The following MBNL2 variants were observed in gnomAD, a reference collection of about 807,000 sequenced individuals.
MBNL2 encodes the protein muscleblind-like protein 2.
A neutral mutation model predicts 41.9 loss-of-function variants in MBNL2; 17 were observed. The ratio of observed to expected loss-of-function variants is 0.41; its 90% CI spans 0.28 to 0.61. MBNL2 has a LOEUF of 0.61. Among genes scored for constraint, MBNL2 ranks in the 20% least tolerant of loss-of-function variants. The pLI is 0.35. For missense variants in MBNL2, 336 were observed against 505.6 expected (o/e 0.66, Z 3.22); for synonymous variants, 195 against 182.9 (o/e 1.07, Z -0.53).
At chr13:97,255,752 A>C (rs971083451) in intron 1 of MBNL2, among the ~76,000 whole-genome samples, 6 of 152,186 alleles carry the variant, frequency 3.9e-5, no homozygotes, top group Non-Finnish European at 7.3e-5. Flanking sequence ...CTGTGTTTAG[A>C]TATAACACAG....
At chr13:97,328,247 A>T (rs1403337592) in intron 2 of MBNL2, among the ~76,000 whole-genome samples, 1 of 148,048 alleles carries the variant, frequency 6.8e-6, no homozygotes, top group Non-Finnish European at 1.5e-5. Context: ...CTGAAATGTA[A>T]CTCCAGAGCA....
chr13:97,391,447 T>G lies in MBNL2; in HGVS notation c.1174T>G (p.Ter392GluextTer4). The change falls in exon 9 of 9, where the codon TAA becomes GAA. Residue 392 changes from the stop codon to glutamate (E), a stop_lost. Coordinates refer to ENST00000679496, the MANE Select transcript of MBNL2 (RefSeq NM_001382683.1). ...AATAGAATTGCCACAAACTGCATGCTAAATAAAGATGTAGTTCTTCTGGAC... is the reference window on the plus strand; with the variant it reads ...AATAGAATTGCCACAAACTGCATGCGAAATAAAGATGTAGTTCTTCTGGAC... ...SSIELPQTAC[*>E] is the part of the protein sequence containing the mutation. The G allele has an allele frequency of 1.8e-6, 2 of 1,141,020 alleles. No individual in the cohort carries two copies. The highest frequency in any genetic ancestry group is 2.7e-6 in the Non-Finnish European group (2 of 748,268). 70.7% of individuals were successfully genotyped at this position (1,141,020 alleles called of 1,614,324 possible).
intron 2 of MBNL2, among the ~76,000 whole-genome samples, chr13:97,312,511 T>C (rs1044908601): frequency 6.6e-6 from 1 of 152,182 alleles, no homozygotes; most frequent in Admixed American, 6.5e-5. Flanking sequence ...TTCAGGATTA[T>C]TATCATTGCA....
At chr13:97,207,981 A>G in the MBNL2 span, among the ~76,000 whole-genome samples, 3 of 152,216 alleles carry the variant, frequency 2.0e-5, no homozygotes, top group Admixed American at 6.5e-5. Flanking sequence ...CCTTGACTCT[A>G]TGTCTCACAT....
chr13:97,185,971 T>C, the MBNL2 span, among the ~76,000 whole-genome samples: 5 of 152,224 alleles, frequency 3.3e-5, no homozygotes, highest in African/African-American at 1.2e-4. Flanking sequence ...TTTTGCTACT[T>C]ATGGCCCATG....
intron 8 of MBNL2, among the ~76,000 whole-genome samples, chr13:97,384,587 G>A (rs1357360790): frequency 1.3e-5 from 2 of 152,198 alleles, no homozygotes; most frequent in Non-Finnish European, 2.9e-5. Context: ...CTAACAGAGA[G>A]TGGGAAGAAG....
upstream of MBNL2, among the ~76,000 whole-genome samples, chr13:97,219,469 G>A (rs2040678406): frequency 6.6e-6 from 1 of 152,270 alleles, no homozygotes; most frequent in Admixed American, 6.5e-5. Flanking sequence ...TTTTCTCATA[G>A]TTCTGGAGGC....
chr13:97,158,226 G>A, the MBNL2 span, among the ~76,000 whole-genome samples: 1 of 151,692 alleles, frequency 6.6e-6, no homozygotes, highest in African/African-American at 2.4e-5. Context: ...GTATTTCTGT[G>A]GGATCAGTGG....
intron 1 of MBNL2, among the ~76,000 whole-genome samples, chr13:97,225,407 A>G (rs1161042958): frequency 1.3e-5 from 2 of 152,226 alleles, no homozygotes; most frequent in African/African-American, 4.8e-5. Flanking sequence ...TTATCAACAT[A>G]GAAATAGGTT....
At chr13:97,175,363 GTCT>G in the MBNL2 span, among the ~76,000 whole-genome samples, 22 of 152,164 alleles carry the variant, frequency 1.4e-4, no homozygotes, top group Non-Finnish European at 3.1e-4. Context: ...CTGACTTGAA[GTCT>G]TCTTCTCAGA....
chr13:97,378,839 T>TA (rs2065182150), intron 8 of MBNL2, among the ~76,000 whole-genome samples: 1 of 152,224 alleles, frequency 6.6e-6, no homozygotes, highest in Non-Finnish European at 1.5e-5. Context: ...AAACCACTAT[T>TA]ACATATCAGA....
intron 1 of MBNL2, among the ~76,000 whole-genome samples, chr13:97,266,675 C>T (rs911808464): frequency 7.2e-5 from 11 of 152,108 alleles, no homozygotes; most frequent in East Asian, 1.9e-4. Context: ...AGAGTGGGGA[C>T]GCTCCAACAT....
chr13:97,194,033 G>A, the MBNL2 span, among the ~76,000 whole-genome samples: 1 of 152,194 alleles, frequency 6.6e-6, no homozygotes, highest in Non-Finnish European at 1.5e-5. Flanking sequence ...TCGACTTTGT[G>A]TATGAATGGA....
chr13:97,322,448 T>C (rs1566416058), intron 2 of MBNL2, among the ~76,000 whole-genome samples: 2 of 152,186 alleles, frequency 1.3e-5, no homozygotes, highest in South Asian at 2.1e-4. Context: ...ACTCCTGGAC[T>C]CATGATGGGG....
intron 8 of MBNL2, among the ~76,000 whole-genome samples, chr13:97,383,458 A>AATGAC (rs2065660664): frequency 6.6e-6 from 1 of 152,252 alleles, no homozygotes; most frequent in African/African-American, 2.4e-5. Context: ...AATAGTTTTA[A>AATGAC]ATGACAATTT....
intron 3 of MBNL2, among the ~76,000 whole-genome samples, chr13:97,337,924 T>G (rs1360610194): frequency 1.3e-5 from 2 of 152,112 alleles, no homozygotes; most frequent in Non-Finnish European, 2.9e-5. Context: ...CCCCATCCAC[T>G]CCCCTGTTTC....
At chr13:97,164,349 G>A in the MBNL2 span, among the ~76,000 whole-genome samples, 2 of 152,252 alleles carry the variant, frequency 1.3e-5, no homozygotes, top group South Asian at 4.1e-4. Flanking sequence ...GGCATATTAG[G>A]ATTTTTATGC....
chr13:97,212,484 T>C, the MBNL2 span, among the ~76,000 whole-genome samples: 1 of 152,182 alleles, frequency 6.6e-6, no homozygotes, highest in Admixed American at 6.5e-5. Flanking sequence ...CTTTTACTTT[T>C]TTCTTTGCAC....
intron 1 of MBNL2, among the ~76,000 whole-genome samples, chr13:97,261,292 TCACA>T (rs918233429): frequency 6.6e-6 from 1 of 152,006 alleles, no homozygotes; most frequent in Non-Finnish European, 1.5e-5. Flanking sequence ...ATGTTCACAC[TCACA>T]CACATGCACA....
Sources: gnomAD v4.1 joint callset for allele counts (sites outside exome capture counted in the v4.1 genomes callset) on GRCh38, gnomAD v4.1.1 for gene constraint, MANE v1.5 for transcripts, NCBI Gene and HGNC (gene_info 2026-07-23, HGNC 2026-07-21) for gene names.